Variants in CASZ1 observed in about 807,000 individuals in gnomAD.
CASZ1 encodes castor zinc finger 1.
In CASZ1, 28 loss-of-function variants were observed where a neutral mutation model predicts 135.2. The observed-to-expected ratio is 0.21, with a 90% confidence interval of 0.15 to 0.28. The LOEUF is 0.28. CASZ1 is among the 10% of genes least tolerant of loss of function. The pLI, the probability that CASZ1 is intolerant of heterozygous loss-of-function variation, is 1.00. For synonymous variants in CASZ1, 1,068 were observed against 1,073.4 expected (o/e 0.99, Z 0.10); for missense variants, 2,161 against 2,453.3 (o/e 0.88, Z 2.52).
intron 4 of CASZ1, among the ~76,000 whole-genome samples, chr1:10,678,767 C>T (rs566947997): frequency 2.0e-5 from 3 of 152,202 alleles, no homozygotes; most frequent in East Asian, 1.9e-4. Flanking sequence ...ATCCGTCCCC[C>T]GCCTGACAGA....
chr1:10,765,407 A>T (rs1199066194), intron 1 of CASZ1, among the ~76,000 whole-genome samples: 1 of 151,906 alleles, frequency 6.6e-6, no homozygotes. Context: ...AAAAAACAAT[A>T]AAAAAATCCA....
chr1:10,649,557 G>A, intron 13 of CASZ1, 120 bp from the exon 14 acceptor site: 2 of 1,173,572 alleles, frequency 1.7e-6, no homozygotes, highest in Non-Finnish European at 2.4e-6. Context: ...AGAGCCAGCA[G>A]AGAATGCGGC....
At chr1:10,693,765 G>A in intron 4 of CASZ1, 109 bp downstream of exon 4, 2 of 391,952 alleles carry the variant, frequency 5.1e-6, no homozygotes, top group South Asian at 1.9e-5. Flanking sequence ...CGACCCTCCC[G>A]GCCCCCACCC....
At chr1:10,775,448 G>A (rs1194751876) in intron 1 of CASZ1, among the ~76,000 whole-genome samples, 2 of 152,064 alleles carry the variant, frequency 1.3e-5, no homozygotes, top group Non-Finnish European at 2.9e-5. Context: ...TCAATGTGAA[G>A]GCATGCGGGG....
rs1338607448 is a variant in CASZ1, at chr1:10,642,875, G to A, written c.4146C>T (p.Asn1382=). 2.5e-6 allele frequency: 4 copies of A among 1,612,758 alleles called. No individual in the cohort carries two copies. The highest frequency in any genetic ancestry group is 2.2e-5 in the East Asian group (1 of 44,882). The change falls in exon 20 of 21, where the codon AAC becomes AAT. Residue 1382 remains asparagine (N), a synonymous_variant. Transcript: ENST00000377022. ...DRSCSSTPVG[N]ESTAAGNTIS... ...GCCGCTCACCTGCCGCGGTGCTCTCGTTACCCACGGGGGTGCTGGAGCAGC... is the reference window on the plus strand; with the variant it reads ...GCCGCTCACCTGCCGCGGTGCTCTCATTACCCACGGGGGTGCTGGAGCAGC...
At chr1:10,782,253 G>A (rs1023228965) in intron 1 of CASZ1, among the ~76,000 whole-genome samples, 14 of 152,236 alleles carry the variant, frequency 9.2e-5, no homozygotes, top group African/African-American at 2.7e-4. Flanking sequence ...CTAGGGACAC[G>A]GGGCCATTGG....
At chr1:10,748,671 C>T (rs1640093475) in intron 2 of CASZ1, among the ~76,000 whole-genome samples, 1 of 152,210 alleles carries the variant, frequency 6.6e-6, no homozygotes, top group Non-Finnish European at 1.5e-5. Flanking sequence ...AGGGGCAGGC[C>T]TGGTTGCCCC....
chr1:10,698,541 T>TA (rs1638991980), intron 3 of CASZ1, among the ~76,000 whole-genome samples: 1 of 139,590 alleles, frequency 7.2e-6, no homozygotes, highest in Non-Finnish European at 1.5e-5. Flanking sequence ...CACATCCTTA[T>TA]ATTTCAGAGA....
chr1:10,709,857 G>A lies in CASZ1; in HGVS notation c.-76-4313C>T, dbSNP rs1342208386. Among the ~76,000 whole-genome samples the A allele has an allele frequency of 2.0e-5, 3 of 152,188 alleles. No individual in the cohort carries two copies. Among genetic ancestry groups the A allele is most frequent in the African/African-American group, 7.2e-5 (3 of 41,448 alleles). Reference sequence around the variant, plus strand: ...TTAGCAGGACAATGAGGGGGCCGGCGGCCCGCACAGGCCAGCAGGTGCCCG... The same window carrying A: ...TTAGCAGGACAATGAGGGGGCCGGCAGCCCGCACAGGCCAGCAGGTGCCCG... On this transcript the variant is annotated intron_variant, in intron 2 of 20. Transcript: ENST00000377022. This position sits in a 1 kb window ranked among gnomAD's most constrained non-coding sequence, Gnocchi z 5.1.
chr1:10,752,517 G>A (rs75798343), intron 2 of CASZ1, among the ~76,000 whole-genome samples: 5,337 of 152,220 alleles, frequency 0.035, 301 homozygotes, highest in African/African-American at 0.12. Flanking sequence ...CAAGTGGCCG[G>A]CGTTTGCCTC....
chr1:10,650,613 AAC>A, intron 13 of CASZ1, 77 bp downstream of exon 13: 2 of 1,240,418 alleles, frequency 1.6e-6, no homozygotes, highest in Non-Finnish European at 2.4e-6. Flanking sequence ...TTAAAAAACA[AAC>A]ACATCCCCCC....
In CASZ1 at chr1:10,701,424, G is replaced by T. The variant is rs575387592; in HGVS notation, c.-24+4068C>A. Among the ~76,000 whole-genome samples, 82 of 152,340 alleles carry T rather than the reference G, an allele frequency of 5.4e-4. No individual in the cohort carries two copies. The highest frequency in any genetic ancestry group is 1.1e-3 in the African/African-American group (45 of 41,554). Reference sequence around the variant, plus strand: ...TTAATTCGCTGCCTGGCTTCTCCCTGCTGTGCCCTCTGCCCACCCCCAAAA... The same window carrying T: ...TTAATTCGCTGCCTGGCTTCTCCCTTCTGTGCCCTCTGCCCACCCCCAAAA... On this transcript the variant is annotated intron_variant, in intron 3 of 20. Transcript: ENST00000377022. The surrounding 1 kb of genome is among the most constrained non-coding windows in gnomAD (Gnocchi z 6.3).
rs1263150526 is a variant in CASZ1 at position 10,707,501 on chromosome 1, C to A, written c.-76-1957G>T. Among the ~76,000 whole-genome samples the A allele has an allele frequency of 6.6e-6, 1 of 152,056 alleles. No homozygotes were observed. The highest frequency in any genetic ancestry group is 1.5e-5 in the Non-Finnish European group (1 of 68,016). The stretch of plus-strand genomic sequence containing the variant: ...TGCAGATCTGATCACACAGAACAAT[C>A]AGGGAGGAAACTTTCCAGGAGTTGG... On this transcript the variant is annotated intron_variant, in intron 2 of 20. Coordinates refer to ENST00000377022, the MANE Select transcript of CASZ1 (RefSeq NM_001079843.3). This position sits in a 1 kb window ranked among gnomAD's most constrained non-coding sequence, Gnocchi z 5.0.
rs1016479109 is a variant in CASZ1 at position 10,741,871 on chromosome 1, C to T, written c.-77+18830G>A. The stretch of plus-strand genomic sequence containing the variant: ...TTTTTTGCTTACTGGGCAGTTTGTG[C>T]GTATCTGTGTGTTTTTTCCCCCAAA... On this transcript the variant is annotated intron_variant, in intron 2 of 20. Coordinates refer to ENST00000377022, the MANE Select transcript of CASZ1 (RefSeq NM_001079843.3). The surrounding 1 kb of genome is among the most constrained non-coding windows in gnomAD (Gnocchi z 5.0). 1.3e-5 allele frequency among the ~76,000 whole-genome samples: 2 copies of T among 151,948 alleles called. No individual in the cohort carries two copies. Among genetic ancestry groups the T allele is most frequent in the Non-Finnish European group, 2.9e-5 (2 of 68,002 alleles).
rs142933318 is a variant in CASZ1 at position 10,774,865 on chromosome 1, C to T, written c.-233-14008G>A. Among the ~76,000 whole-genome samples the T allele has an allele frequency of 6.8e-3, 1,029 of 152,304 alleles. 6 individuals carry two copies. The highest frequency in any genetic ancestry group is 0.037 in the Middle Eastern group (11 of 294). ...TTACAGACAAGGGAATGAATCCCCA[C>T]GTGTCTCCTGCAACCATCTCTGTTC... On this transcript the variant is annotated intron_variant, in intron 1 of 20. Coordinates refer to ENST00000377022, the MANE Select transcript of CASZ1 (RefSeq NM_001079843.3). The surrounding 1 kb of genome is among the most constrained non-coding windows in gnomAD (Gnocchi z 4.4).
At position 10,694,363 on chromosome 1, in the gene CASZ1, T is replaced by C; in HGVS notation, c.-23-451A>G. The C allele has an allele frequency of 9.0e-7, 1 of 1,108,098 alleles. No homozygotes were observed. Among genetic ancestry groups the C allele is most frequent in the South Asian group, 1.8e-5 (1 of 56,700 alleles). The allele number at this position is 1,108,098 out of a possible 1,614,324, so 68.6% of individuals were successfully genotyped here. A position where few individuals can be genotyped will look rare whatever the true frequency, so the allele number is the denominator to read the frequency against. ...ACTTTCATAATACTTAATTAATGCC[T>C]AATTGCAACTGATTACTCCCCGAAT... On this transcript the variant is annotated intron_variant, in intron 3 of 20. Coordinates refer to ENST00000377022, the MANE Select transcript of CASZ1 (RefSeq NM_001079843.3). This position sits in a 1 kb window ranked among gnomAD's most constrained non-coding sequence, Gnocchi z 6.6.
chr1:10,738,850 C>T (rs1305492632), intron 2 of CASZ1, among the ~76,000 whole-genome samples: 1 of 151,162 alleles, frequency 6.6e-6, no homozygotes, highest in Non-Finnish European at 1.5e-5. Flanking sequence ...CACTTTTAGT[C>T]CCAATTTAAT....
chr1:10,648,532 G>T, intron 15 of CASZ1: 1 of 219,658 alleles, frequency 4.6e-6, no homozygotes, highest in Non-Finnish European at 9.0e-6. Context: ...TGCCTACGCG[G>T]TCGGAAAAGC....
At chr1:10,645,799 G>C (rs926852377) in intron 17 of CASZ1, among the ~76,000 whole-genome samples, 1 of 152,162 alleles carries the variant, frequency 6.6e-6, no homozygotes, top group African/African-American at 2.4e-5. Flanking sequence ...CAATGGGCCT[G>C]TTCGAAAATT....
Sources: gnomAD v4.1 joint callset for allele counts (sites outside exome capture counted in the v4.1 genomes callset) on GRCh38, gnomAD v4.1.1 for gene constraint, Gnocchi (gnomAD v3.1) non-coding constraint, MANE v1.5 for transcripts, NCBI Gene and HGNC (gene_info 2026-07-23, HGNC 2026-07-21) for gene names.